Variants in MRE11 observed in about 807,000 individuals in gnomAD.
The protein encoded by MRE11 is MRE11 double strand break repair nuclease, also known as double-strand break repair protein MRE11.
Under a neutral mutation model 91.7 loss-of-function variants are expected in MRE11, and 62 were observed. The ratio of observed to expected loss-of-function variants is 0.68; its 90% confidence interval spans 0.55 to 0.84. The LOEUF (loss-of-function observed/expected upper bound fraction) is 0.84, where lower values mean the gene tolerates loss of function less well. Ranked by LOEUF, MRE11 falls within the 40% of genes least tolerant of loss-of-function variation. The pLI, the probability that MRE11 is intolerant of heterozygous loss-of-function variation, is 0.00. For synonymous variants in MRE11, 273 were observed against 271.4 expected, an observed-to-expected ratio of 1.01 and a Z score of -0.06; for missense variants, 796 against 852.9, an observed-to-expected ratio of 0.93 and a Z score of 0.83.
At chr11:94,484,408 G>C (rs781532237) in intron 4 of MRE11, among the ~76,000 whole-genome samples, 6 of 152,158 alleles carry the variant, frequency 3.9e-5, no homozygotes, top group Non-Finnish European at 5.9e-5. Flanking sequence ...CAAATTTAAG[G>C]AGGAACAGAA....
chr11:94,467,694 T>C, intron 10 of MRE11, 119 bp downstream of exon 10: 3 of 834,186 alleles, frequency 3.6e-6, no homozygotes, highest in Non-Finnish European at 5.9e-6. Flanking sequence ...CCTCCGATGG[T>C]GATTGCTCTT....
chr11:94,506,968 A>G, the MRE11 span, among the ~76,000 whole-genome samples: 7 of 152,036 alleles, frequency 4.6e-5, no homozygotes, highest in East Asian at 1.4e-3. Context: ...ATTTTTAGAC[A>G]TTTTTTTCTA....
At chr11:94,471,540 T>A (rs572633723) in intron 8 of MRE11, 34 bp downstream of exon 8, 1 of 1,601,418 alleles carries the variant, frequency 6.2e-7, no homozygotes, top group African/African-American at 1.3e-5. Context: ...AGCAAAGATT[T>A]CTTAAAAATT....
At chr11:94,444,219 T>G (rs886737293) in intron 16 of MRE11, among the ~76,000 whole-genome samples, 1 of 152,126 alleles carries the variant, frequency 6.6e-6, no homozygotes, top group Non-Finnish European at 1.5e-5. Flanking sequence ...AACCATTTTT[T>G]ATATTATTTG....
chr11:94,501,681 A>G, the MRE11 span, among the ~76,000 whole-genome samples: 1 of 151,176 alleles, frequency 6.6e-6, no homozygotes, highest in African/African-American at 2.4e-5. Context: ...GCACAGAAGG[A>G]TGGTTACACA....
At chr11:94,506,887 C>G in the MRE11 span, among the ~76,000 whole-genome samples, 1 of 152,082 alleles carries the variant, frequency 6.6e-6, no homozygotes, top group African/African-American at 2.4e-5. Context: ...ACGGTGCCAG[C>G]CTTTTTTTAT....
intron 2 of MRE11, 198 bp downstream of exon 2, chr11:94,492,584 T>C (rs1947312809): frequency 4.3e-6 from 4 of 923,344 alleles, no homozygotes; most frequent in Non-Finnish European, 6.7e-6. Context: ...CTCCAATCTA[T>C]AGCTGCATAT....
the MRE11 span, among the ~76,000 whole-genome samples, chr11:94,511,449 T>C: frequency 1.1e-4 from 16 of 152,208 alleles, no homozygotes; most frequent in African/African-American, 3.6e-4. Context: ...CTAATACAAT[T>C]GTCATAGTAA....
chr11:94,496,377 AT>A (rs1947418757), upstream of MRE11, among the ~76,000 whole-genome samples: 1 of 152,124 alleles, frequency 6.6e-6, no homozygotes, highest in Admixed American at 6.6e-5. Context: ...AGTTATAATA[AT>A]ATAATTGACT....
At chr11:94,498,431 A>T, upstream of MRE11, 1 of 1,613,824 alleles carries the variant, frequency 6.2e-7, no homozygotes, top group Non-Finnish European at 8.5e-7. Context: ...GCTGAAAAAC[A>T]ACTTGGAAGA....
At chr11:94,454,560 G>GA (rs1443985622) in intron 14 of MRE11, among the ~76,000 whole-genome samples, 4 of 151,982 alleles carry the variant, frequency 2.6e-5, no homozygotes, top group African/African-American at 9.7e-5. Context: ...TGCTGAAAAT[G>GA]AAAAAATATA....
chr11:94,466,654 G>A (rs1253794455), intron 10 of MRE11: 1 of 349,942 alleles, frequency 2.9e-6, no homozygotes, highest in Non-Finnish European at 6.1e-6. Context: ...AGCTCAGGAA[G>A]TCTGGCTCTA....
chr11:94,485,500 A>G (rs896409329), intron 4 of MRE11, among the ~76,000 whole-genome samples: 7 of 144,202 alleles, frequency 4.9e-5, no homozygotes, highest in Non-Finnish European at 7.9e-5. Flanking sequence ...ATTCAGGTAG[A>G]AAAACAAACA....
chr11:94,467,285 G>T (rs531551294), intron 10 of MRE11, among the ~76,000 whole-genome samples: 1 of 152,236 alleles, frequency 6.6e-6, no homozygotes, highest in South Asian at 2.1e-4. Context: ...ATAGGCACAG[G>T]AAACAATCCT....
At chr11:94,476,958 G>A (rs975749361) in intron 6 of MRE11, among the ~76,000 whole-genome samples, 1 of 152,046 alleles carries the variant, frequency 6.6e-6, no homozygotes, top group African/African-American at 2.4e-5. Context: ...GACCTCAAGT[G>A]ATCTACCTGC....
At chr11:94,435,921 A>G (rs774873162) in intron 17 of MRE11, 22 bp from the exon 18 acceptor site, 2 of 1,606,522 alleles carry the variant, frequency 1.2e-6, no homozygotes, top group African/African-American at 1.3e-5. Context: ...ACAAAGCAAC[A>G]AACAGTTTTT....
chr11:94,441,472 G>C (rs963756070), intron 16 of MRE11, among the ~76,000 whole-genome samples: 3 of 152,134 alleles, frequency 2.0e-5, no homozygotes, highest in Non-Finnish European at 2.9e-5. Flanking sequence ...TCTAGGGACA[G>C]TAAGTAACAA....
At chr11:94,484,129 T>C (rs534467335) in intron 4 of MRE11, among the ~76,000 whole-genome samples, 71 of 152,066 alleles carry the variant, frequency 4.7e-4, no homozygotes, top group Middle Eastern at 6.8e-3. Context: ...GGAGCCAATC[T>C]CAAAAGGAGC....
At chr11:94,508,634 C>A in the MRE11 span, among the ~76,000 whole-genome samples, 1 of 152,156 alleles carries the variant, frequency 6.6e-6, no homozygotes, top group African/African-American at 2.4e-5. Context: ...ATTGAGCTAT[C>A]TTTGCCCCAA....
Sources: gnomAD v4.1 joint callset for allele counts (sites outside exome capture counted in the v4.1 genomes callset) on GRCh38, gnomAD v4.1.1 for gene constraint, MANE v1.5 for transcripts, NCBI Gene and HGNC (gene_info 2026-07-23, HGNC 2026-07-21) for gene names.